The following RFX6 variants were observed in gnomAD, a reference collection of about 807,000 sequenced individuals.
The protein encoded by RFX6 is regulatory factor X6.
RFX6 carries 50 observed loss-of-function variants against 110.8 expected under a neutral mutation model. The observed-to-expected ratio is 0.45, with a 90% CI of 0.36 to 0.57. The LOEUF is 0.57. Among genes scored for constraint, RFX6 ranks in the 20% least tolerant of loss-of-function variants. The pLI is 0.00. For missense variants in RFX6, 990 were observed against 1,127.0 expected, an observed-to-expected ratio of 0.88 and a Z score of 1.74; for synonymous variants, 383 against 411.2, an observed-to-expected ratio of 0.93 and a Z score of 0.83.
At chr6:116,895,751 C>T (rs1032028411) in intron 6 of RFX6, among the ~76,000 whole-genome samples, 2 of 152,010 alleles carry the variant, frequency 1.3e-5, no homozygotes, top group African/African-American at 2.4e-5. Flanking sequence ...ATGAGTTAGA[C>T]TACCATTAGG....
chr6:116,880,301 C>G (rs1172339498), intron 2 of RFX6, among the ~76,000 whole-genome samples: 1 of 152,012 alleles, frequency 6.6e-6, no homozygotes, highest in African/African-American at 2.4e-5. Flanking sequence ...GTGGACCAGG[C>G]ATGGTTTTAT....
Position 116,887,276 on chromosome 6 carries a change from A to T in RFX6, c.566+4848A>T, listed in dbSNP as rs979380915. 2.0e-5 allele frequency among the ~76,000 whole-genome samples: 3 copies of T among 152,138 alleles called. No individual in the cohort carries two copies. The South Asian group carries it at 6.2e-4, about 32-fold the overall frequency. ...AAAAAAATCTCTAAAGATGAACATG[A>T]GGGGTCAGGAAGCGTCACTCTAGGG... On this transcript the variant is annotated intron_variant, in intron 4 of 18. Coordinates refer to ENST00000332958, the MANE Select transcript of RFX6 (RefSeq NM_173560.4).
intron 4 of RFX6, among the ~76,000 whole-genome samples, chr6:116,887,737 T>C (rs966811840): frequency 1.2e-4 from 19 of 152,296 alleles, no homozygotes; most frequent in African/African-American, 4.3e-4. Context: ...TAAAACAGGG[T>C]ACCTGCTGGC....
At chr6:116,904,365 G>A (rs748954704) in intron 6 of RFX6, among the ~76,000 whole-genome samples, 1 of 151,704 alleles carries the variant, frequency 6.6e-6, no homozygotes, top group Non-Finnish European at 1.5e-5. Flanking sequence ...TTATTTTATG[G>A]TTAGTACTTT....
chr6:116,910,689 A>C (rs1345531366), intron 6 of RFX6, among the ~76,000 whole-genome samples: 1 of 152,174 alleles, frequency 6.6e-6, no homozygotes, highest in Non-Finnish European at 1.5e-5. Flanking sequence ...AATATTCAAA[A>C]CTAAAATTTG....
chr6:116,917,188 C>T (rs1582531346), intron 9 of RFX6, among the ~76,000 whole-genome samples: 1 of 152,156 alleles, frequency 6.6e-6, no homozygotes, highest in Admixed American at 6.6e-5. Context: ...AGTAATGAGA[C>T]AACTTGAATA....
At chr6:116,914,760 C>T (rs954388057) in intron 7 of RFX6, among the ~76,000 whole-genome samples, 2 of 152,166 alleles carry the variant, frequency 1.3e-5, no homozygotes, top group African/African-American at 2.4e-5. Context: ...TCACCACCAC[C>T]ACTCTAGATG....
chr6:116,913,342 G>T (rs1003874139), intron 7 of RFX6, among the ~76,000 whole-genome samples: 1 of 152,164 alleles, frequency 6.6e-6, no homozygotes, highest in African/African-American at 2.4e-5. Context: ...GATTACAGGC[G>T]TAAGCCACCG....
intron 11 of RFX6, 131 bp from the exon 12 acceptor site, chr6:116,920,179 G>A (rs939890563): frequency 1.3e-6 from 1 of 763,188 alleles, no homozygotes; most frequent in Admixed American, 1.9e-5. Flanking sequence ...TACTGCTTTT[G>A]TCTTTAAAAT....
chr6:116,920,584 C>CCTGA (rs140342102), intron 12 of RFX6, 130 bp downstream of exon 12: 19,222 of 791,864 alleles, frequency 0.024, 692 homozygotes, highest in African/African-American at 0.13. Flanking sequence ...TTGACCTTTA[C>CCTGA]CCATTAGATG....
At chr6:116,910,889 A>T (rs1331850004) in intron 6 of RFX6, 46 bp from the exon 7 acceptor site, 1 of 1,205,632 alleles carries the variant, frequency 8.3e-7, no homozygotes, top group South Asian at 1.2e-5. Flanking sequence ...CTTTGGAAGC[A>T]TATAGTTGAT....
At chr6:116,919,743 T>C (rs1775551957) in intron 11 of RFX6, among the ~76,000 whole-genome samples, 1 of 152,214 alleles carries the variant, frequency 6.6e-6, no homozygotes, top group Non-Finnish European at 1.5e-5. Flanking sequence ...AACCACAAAC[T>C]CAACACATTT....
Position 116,923,154 on chromosome 6 carries a change from TC to T in RFX6, c.1486del (p.Leu496CysfsTer2). ...CATTAAAGAAGAGAGCTCAAGACTT[TC>T]TGTTAAAGTGGAGTTTTTTTGGTGC... Reference protein sequence around the residue: ...RSLKKRAQDFLLKWSFFGARV... With the variant: ...RSLKKRAQDFXLKWSFFGARV... On this transcript the variant is annotated frameshift_variant, in exon 14 of 19. Coordinates refer to ENST00000332958, the MANE Select transcript of RFX6 (RefSeq NM_173560.4). LOFTEE classifies it high-confidence loss of function. 6.2e-7 allele frequency: 1 copy of T among 1,610,610 alleles called. No individual in the cohort carries two copies. The highest frequency in any genetic ancestry group is 8.5e-7 in the Non-Finnish European group (1 of 1,176,888).
At chr6:116,882,726 C>T (rs1189544676) in intron 4 of RFX6, among the ~76,000 whole-genome samples, 1 of 152,002 alleles carries the variant, frequency 6.6e-6, no homozygotes, top group Non-Finnish European at 1.5e-5. Flanking sequence ...AGGAATGCAA[C>T]GCTCCCAAAG....
chr6:116,880,630 A>G lies in RFX6; in HGVS notation c.467A>G (p.Glu156Gly), dbSNP rs1416048424. Residue 156 changes from glutamate to glycine, a missense_variant, in exon 3 of 19, where the codon GAG becomes GGG. By Grantham distance (98) the Glu-to-Gly change is moderately conservative. Around this residue, in one of 5 missense-constraint regions of RFX6, gnomAD observed 243 missense variants for 353.1 expected, o/e 0.69. Transcript: ENST00000332958. Reference sequence around the variant, plus strand: ...CACTACTTAGATTTCTGTAGGAAAGAGAAATTAGAGCCAGCCTGTGCGGCC... The same window carrying G: ...CACTACTTAGATTTCTGTAGGAAAGGGAAATTAGAGCCAGCCTGTGCGGCC... Reference protein sequence around the residue: ...YAHYLDFCRKEKLEPACAATF... With the variant: ...YAHYLDFCRKGKLEPACAATF... 6.2e-7 allele frequency: 1 copy of G among 1,613,470 alleles called. No individual in the cohort carries two copies. Among genetic ancestry groups the G allele is most frequent in the African/African-American group, 1.3e-5 (1 of 74,924 alleles).
At chr6:116,906,204 C>A (rs1282350049) in intron 6 of RFX6, among the ~76,000 whole-genome samples, 1 of 152,020 alleles carries the variant, frequency 6.6e-6, no homozygotes, top group Non-Finnish European at 1.5e-5. Context: ...TGTTACTGGC[C>A]TCTCTGTTCT....
chr6:116,898,109 T>C (rs184822838), intron 6 of RFX6, among the ~76,000 whole-genome samples: 2 of 152,206 alleles, frequency 1.3e-5, no homozygotes, highest in East Asian at 3.9e-4. Context: ...GAAAAAATGC[T>C]CCCTACAGAA....
intron 6 of RFX6, among the ~76,000 whole-genome samples, chr6:116,898,892 C>A (rs654971): frequency 0.29 from 44,079 of 152,018 alleles, 6,567 homozygotes; most frequent in South Asian, 0.38. Flanking sequence ...GAATATAGCC[C>A]TAATGCCCTA....
intron 4 of RFX6, among the ~76,000 whole-genome samples, chr6:116,890,521 AG>A (rs1438578296): frequency 6.6e-6 from 1 of 152,170 alleles, no homozygotes; most frequent in African/African-American, 2.4e-5. Flanking sequence ...GAATACATGT[AG>A]GAAAAAAAAG....
Sources: gnomAD v4.1 joint callset for allele counts (sites outside exome capture counted in the v4.1 genomes callset) on GRCh38, gnomAD v4.1.1 for gene constraint, gnomAD v4.1.1 regional missense constraint, MANE v1.5 for transcripts, NCBI Gene and HGNC (gene_info 2026-07-23, HGNC 2026-07-21) for gene names.